The following TUSC3 variants were observed in gnomAD, a reference collection of about 807,000 sequenced individuals.
TUSC3 encodes the protein dolichyl-diphosphooligosaccharide--protein glycosyltransferase subunit TUSC3.
A neutral mutation model predicts 44.8 loss-of-function variants in TUSC3; 45 were observed. The observed-to-expected ratio is 1.00, with a 90% CI of 0.79 to 1.29. The LOEUF (loss-of-function observed/expected upper bound fraction) is 1.29, where lower values mean the gene tolerates loss of function less well. Among genes scored for constraint, TUSC3 ranks in the 50% most tolerant of loss-of-function variants. The pLI is 0.00. For synonymous variants in TUSC3, 212 were observed against 152.9 expected, an observed-to-expected ratio of 1.39 and a Z score of -2.85; for missense variants, 519 against 437.9, an observed-to-expected ratio of 1.19 and a Z score of -1.65.
intron 9 of TUSC3, among the ~76,000 whole-genome samples, chr8:15,749,475 A>T (rs929132286): frequency 1.3e-5 from 2 of 152,092 alleles, no homozygotes; most frequent in African/African-American, 2.4e-5. Flanking sequence ...TACATTTCCA[A>T]TTCTCTTCTT....
intron 2 of TUSC3, among the ~76,000 whole-genome samples, chr8:15,494,050 C>G (rs1393920164): frequency 1.3e-5 from 2 of 152,182 alleles, no homozygotes; most frequent in African/African-American, 4.8e-5. Flanking sequence ...TGCTTGAGAT[C>G]TTTGTTCAAA....
chr8:15,775,585 G>C, the TUSC3 span, among the ~76,000 whole-genome samples: 1 of 150,926 alleles, frequency 6.6e-6, no homozygotes, highest in Non-Finnish European at 1.5e-5. Context: ...AGTTAGCCTT[G>C]TCATGACCAA....
intron 1 of TUSC3, among the ~76,000 whole-genome samples, chr8:15,604,722 A>G (rs1563129366): frequency 6.6e-6 from 1 of 151,774 alleles, no homozygotes; most frequent in Non-Finnish European, 1.5e-5. Flanking sequence ...ACAGTCATTG[A>G]TATTTATGGT....
rs76564282 is a variant in TUSC3 at position 15,601,854 on chromosome 8, T to C, written c.139-21226T>C. On this transcript the variant is annotated intron_variant, in intron 1 of 10. Coordinates refer to ENST00000503731, the MANE Select transcript of TUSC3 (RefSeq NM_006765.4). ...GCTTTCTACCAGTTTTTTATGGATA[T>C]ATTTGTATCGTGTGTACATATTATA... Among the ~76,000 whole-genome samples the C allele has an allele frequency of 5.0e-3, 763 of 151,778 alleles. 18 individuals are homozygous for C. In the East Asian group the frequency reaches 0.075, roughly 15 times the overall value.
chr8:15,822,751 G>A, the TUSC3 span, among the ~76,000 whole-genome samples: 4,197 of 152,158 alleles, frequency 0.028, 200 homozygotes, highest in African/African-American at 0.096. Flanking sequence ...GACTTTCAAG[G>A]AGGAAGGATT....
chr8:15,542,360 C>G (rs1276425989), intron 1 of TUSC3, among the ~76,000 whole-genome samples: 1 of 151,954 alleles, frequency 6.6e-6, no homozygotes, highest in African/African-American at 2.4e-5. Context: ...GACCTAAGGT[C>G]TGTGTTGATG....
chr8:15,783,521 C>A, the TUSC3 span, among the ~76,000 whole-genome samples: 1 of 152,046 alleles, frequency 6.6e-6, no homozygotes, highest in Admixed American at 6.6e-5. Flanking sequence ...GGCATAAAAA[C>A]AGACACATTG....
chr8:15,706,446 A>G (rs1809618491), intron 6 of TUSC3, among the ~76,000 whole-genome samples: 1 of 152,054 alleles, frequency 6.6e-6, no homozygotes, highest in Non-Finnish European at 1.5e-5. Flanking sequence ...GTTTTAAGTA[A>G]GCCAATTAAG....
At chr8:15,623,950 G>A (rs1805371564) in intron 2 of TUSC3, among the ~76,000 whole-genome samples, 1 of 151,942 alleles carries the variant, frequency 6.6e-6, no homozygotes, top group South Asian at 2.1e-4. Flanking sequence ...AAAGTCACCC[G>A]CACTCTCCAT....
At chr8:15,420,581 T>A (rs1799726994) in intron 1 of TUSC3, among the ~76,000 whole-genome samples, 1 of 144,268 alleles carries the variant, frequency 6.9e-6, no homozygotes, top group Non-Finnish European at 1.5e-5. Context: ...AGTACCATTT[T>A]TGTCTGCCTC....
chr8:15,725,978 T>G (rs533885765), intron 6 of TUSC3, among the ~76,000 whole-genome samples: 14 of 152,314 alleles, frequency 9.2e-5, no homozygotes, highest in African/African-American at 3.4e-4. Flanking sequence ...CTTCTAAGTT[T>G]AGTTTGCTTT....
chr8:15,502,576 C>T (rs1400582075), intron 2 of TUSC3, among the ~76,000 whole-genome samples: 1 of 152,188 alleles, frequency 6.6e-6, no homozygotes, highest in Non-Finnish European at 1.5e-5. Context: ...CTGCAAGCTC[C>T]ACCTCCTGGG....
chr8:15,704,092 A>G (rs1432047372), intron 6 of TUSC3, among the ~76,000 whole-genome samples: 1 of 152,094 alleles, frequency 6.6e-6, no homozygotes, highest in African/African-American at 2.4e-5. Context: ...AAGCAGAGTG[A>G]TAGAAGGTTG....
intron 9 of TUSC3, among the ~76,000 whole-genome samples, chr8:15,751,910 T>G (rs547693076): frequency 9.2e-5 from 14 of 152,268 alleles, no homozygotes; most frequent in African/African-American, 3.1e-4. Flanking sequence ...ATATAACCAT[T>G]TTATGAGCCT....
chr8:15,667,144 A>G (rs1486775525), intron 5 of TUSC3, among the ~76,000 whole-genome samples: 2 of 151,610 alleles, frequency 1.3e-5, no homozygotes, highest in Non-Finnish European at 3.0e-5. Context: ...AATCCAACTC[A>G]ATAGTGGTTA....
At chr8:15,681,127 G>T (rs1295530904) in intron 6 of TUSC3, among the ~76,000 whole-genome samples, 9 of 136,516 alleles carry the variant, frequency 6.6e-5, no homozygotes, top group Non-Finnish European at 1.5e-4. Context: ...CTTCATCCTT[G>T]ATTTTTTTTT....
At chr8:15,657,069 G>C (rs1807207473) in intron 3 of TUSC3, among the ~76,000 whole-genome samples, 1 of 152,122 alleles carries the variant, frequency 6.6e-6, no homozygotes, top group Non-Finnish European at 1.5e-5. Flanking sequence ...TTCCCCCAAA[G>C]AGCTCTGAAA....
intron 2 of TUSC3, among the ~76,000 whole-genome samples, chr8:15,520,961 C>T (rs1463715140): frequency 1.3e-5 from 2 of 152,182 alleles, no homozygotes; most frequent in Non-Finnish European, 1.5e-5. Flanking sequence ...AGTTATTTTA[C>T]TTGGAGATTG....
chr8:15,562,290 A>G (rs905289181), intron 1 of TUSC3, among the ~76,000 whole-genome samples: 1 of 152,132 alleles, frequency 6.6e-6, no homozygotes, highest in Admixed American at 6.5e-5. Flanking sequence ...ATCCTGTTCT[A>G]AAAAATCTTA....
Sources: allele counts gnomAD v4.1 joint callset (sites outside exome capture counted in the v4.1 genomes callset), GRCh38; gene constraint gnomAD v4.1.1; transcripts MANE v1.5; gene names NCBI Gene and HGNC (gene_info 2026-07-23, HGNC 2026-07-21).